ADGRL2: variants seen among roughly 807,000 people sequenced by gnomAD.
ADGRL2 encodes calcium-independent alpha-latrotoxin receptor 2.
In ADGRL2, 44 loss-of-function variants were observed where a neutral mutation model predicts 157.4. That is an observed-to-expected ratio of 0.28 (90% CI 0.22 to 0.36). The LOEUF is 0.36. ADGRL2 is among the 10% of genes least tolerant of loss of function. ADGRL2 has a pLI of 1.00. For synonymous variants in ADGRL2, 585 were observed against 624.7 expected, an observed-to-expected ratio of 0.94 and a Z score of 0.95; for missense variants, 1,510 against 1,768.9, an observed-to-expected ratio of 0.85 and a Z score of 2.63.
intron 1 of ADGRL2, among the ~76,000 whole-genome samples, chr1:81,813,290 C>T (rs1286142976): frequency 1.3e-5 from 2 of 151,516 alleles, no homozygotes; most frequent in African/African-American, 4.8e-5. Context: ...GTTCATTTCT[C>T]TTATTTTATC....
chr1:81,986,578 CAT>C (rs1663213042), intron 21 of ADGRL2, among the ~76,000 whole-genome samples: 3 of 152,030 alleles, frequency 2.0e-5, no homozygotes, highest in Non-Finnish European at 4.4e-5. Context: ...CATCTTGAAA[CAT>C]AATGTTGATC....
intron 1 of ADGRL2, among the ~76,000 whole-genome samples, chr1:81,376,627 C>A (rs375938429): frequency 2.0e-5 from 3 of 150,914 alleles, no homozygotes; most frequent in African/African-American, 7.3e-5. Flanking sequence ...CTCCCTTTCT[C>A]TTCTTCTTTA....
At chr1:81,390,170 T>G (rs2101110971) in intron 1 of ADGRL2, among the ~76,000 whole-genome samples, 1 of 152,420 alleles carries the variant, frequency 6.6e-6, no homozygotes, top group African/African-American at 2.4e-5. Context: ...AGTCCTGCTT[T>G]TATCCATTCT....
At chr1:81,592,071 T>C (rs536670606) in intron 3 of ADGRL2, among the ~76,000 whole-genome samples, 229 of 152,336 alleles carry the variant, frequency 1.5e-3, no homozygotes, top group Non-Finnish European at 2.0e-3. Flanking sequence ...CAGCCTGTTA[T>C]TTTATCTCTT....
At chr1:81,860,614 G>A (rs914226069) in intron 2 of ADGRL2, among the ~76,000 whole-genome samples, 8 of 152,284 alleles carry the variant, frequency 5.3e-5, no homozygotes, top group South Asian at 2.1e-4. Flanking sequence ...GACACAAAAG[G>A]TACTTTGGGG....
At chr1:81,925,733 C>T (rs1039946419) in intron 3 of ADGRL2, among the ~76,000 whole-genome samples, 6 of 151,954 alleles carry the variant, frequency 3.9e-5, no homozygotes, top group African/African-American at 9.6e-5. Context: ...GAAGTTCTGT[C>T]GGCATTTGTT....
At chr1:81,744,461 T>C (rs575328751) in intron 1 of ADGRL2, among the ~76,000 whole-genome samples, 3 of 152,204 alleles carry the variant, frequency 2.0e-5, no homozygotes, top group Non-Finnish European at 4.4e-5. Flanking sequence ...AATTAGCTCC[T>C]GATTCAGGCA....
intron 18 of ADGRL2, 151 bp downstream of exon 18, chr1:81,980,111 A>G (rs1342544465): frequency 3.5e-6 from 2 of 564,802 alleles, no homozygotes; most frequent in Non-Finnish European, 6.3e-6. Context: ...GTGTTACTAT[A>G]TCACTGATAC....
At chr1:81,430,258 G>A (rs1183124726) in intron 1 of ADGRL2, among the ~76,000 whole-genome samples, 3 of 152,224 alleles carry the variant, frequency 2.0e-5, no homozygotes, top group African/African-American at 7.2e-5. Context: ...CAATGTAGTA[G>A]CAAGTGCTTG....
intron 2 of ADGRL2, among the ~76,000 whole-genome samples, chr1:81,478,805 T>C (rs932236576): frequency 2.0e-5 from 3 of 152,168 alleles, no homozygotes; most frequent in African/African-American, 7.2e-5. Flanking sequence ...GTGTAAGTTA[T>C]GAGAAAAATA....
intron 10 of ADGRL2, among the ~76,000 whole-genome samples, chr1:81,953,746 G>A (rs1016862400): frequency 3.3e-5 from 5 of 152,064 alleles, no homozygotes; most frequent in African/African-American, 4.8e-5. Context: ...ATTTTGTTTT[G>A]TTCTCTGAAT....
At chr1:81,594,839 G>A (rs368226392) in intron 3 of ADGRL2, among the ~76,000 whole-genome samples, 3 of 152,348 alleles carry the variant, frequency 2.0e-5, no homozygotes, top group East Asian at 3.9e-4. Context: ...CAGTCCAAAT[G>A]TGATTGTGCC....
At chr1:81,530,063 C>G (rs760270557) in intron 2 of ADGRL2, among the ~76,000 whole-genome samples, 2 of 152,278 alleles carry the variant, frequency 1.3e-5, no homozygotes, top group Non-Finnish European at 2.9e-5. Context: ...ATGCCAGGAA[C>G]AGTGTTGTCA....
chr1:81,443,913 T>C (rs2077553393), intron 1 of ADGRL2, among the ~76,000 whole-genome samples: 1 of 152,220 alleles, frequency 6.6e-6, no homozygotes. Flanking sequence ...ATTAATATAC[T>C]TATTTTGTTA....
chr1:81,943,517 A>T lies in ADGRL2; in HGVS notation c.958A>T (p.Met320Leu). The change falls in exon 6 of 24, where the codon ATG (methionine) becomes TTG (leucine). Residue 320 changes from methionine (M) to leucine (L), a missense_variant. By Grantham distance (15) the Met-to-Leu change is conservative. This residue lies in a region of ADGRL2 where 361 missense variants were observed against 498.4 expected (regional missense o/e 0.72). Coordinates refer to ENST00000686636, the MANE Select transcript of ADGRL2 (RefSeq NM_001366006.2). The surrounding 1 kb of genome is among the most constrained non-coding windows in gnomAD (Gnocchi z 5.6). ...CAAACGTGCCGCATCAAATGCTTTT[A>T]TGATATGCGGAGTCCTCTATGTGGT... ...YDKRAASNAF[M>L]ICGVLYVVRS... The T allele has an allele frequency of 6.8e-6, 11 of 1,613,786 alleles. No homozygotes were observed. Among genetic ancestry groups the T allele is most frequent in the Non-Finnish European group, 9.3e-6 (11 of 1,179,766 alleles).
At chr1:81,669,961 A>AAT (rs2082839295) in intron 3 of ADGRL2, among the ~76,000 whole-genome samples, 1 of 150,990 alleles carries the variant, frequency 6.6e-6, no homozygotes, top group African/African-American at 2.4e-5. Flanking sequence ...AAAAAAAAAA[A>AAT]GAGGACACCT....
intron 3 of ADGRL2, among the ~76,000 whole-genome samples, chr1:81,595,670 A>G (rs1428195745): frequency 1.3e-5 from 2 of 152,372 alleles, no homozygotes; most frequent in Admixed American, 6.5e-5. Context: ...TTCCGTTAAT[A>G]AAACTTACTT....
chr1:81,789,152 A>T (rs942431054), intron 2 of ADGRL2, among the ~76,000 whole-genome samples: 1 of 152,216 alleles, frequency 6.6e-6, no homozygotes, highest in African/African-American at 2.4e-5. Context: ...GCTAGATTTT[A>T]TACAGGCCAC....
chr1:81,453,185 C>T (rs1308598932), intron 2 of ADGRL2, among the ~76,000 whole-genome samples: 3 of 152,158 alleles, frequency 2.0e-5, no homozygotes, highest in African/African-American at 7.2e-5. Flanking sequence ...GAATTCCACT[C>T]TGACTAACTG....
Sources: allele counts gnomAD v4.1 joint callset (sites outside exome capture counted in the v4.1 genomes callset), GRCh38; gene constraint gnomAD v4.1.1; regional missense constraint gnomAD v4.1.1; non-coding constraint Gnocchi (gnomAD v3.1); transcripts MANE v1.5; gene names NCBI Gene and HGNC (gene_info 2026-07-23, HGNC 2026-07-21).